The following PRKG1 variants were observed in gnomAD, a reference collection of about 807,000 sequenced individuals.
The protein encoded by PRKG1 is cGMP-dependent protein kinase 1.
Under a neutral mutation model 88.1 loss-of-function variants are expected in PRKG1, and 35 were observed. That is an observed-to-expected ratio of 0.40 (90% CI 0.30 to 0.53). PRKG1 has a LOEUF of 0.53. PRKG1 is among the 20% of genes least tolerant of loss of function. The pLI, the probability that PRKG1 is intolerant of heterozygous loss-of-function variation, is 0.59. For missense variants in PRKG1, 540 were observed against 839.8 expected (o/e 0.64, Z 4.41); for synonymous variants, 303 against 292.5 (o/e 1.04, Z -0.37).
At chr10:52,045,771 G>T (rs1845849298) in intron 5 of PRKG1, among the ~76,000 whole-genome samples, 1 of 151,978 alleles carries the variant, frequency 6.6e-6, no homozygotes, top group Non-Finnish European at 1.5e-5. Context: ...GGTTTTCTAG[G>T]TGCTCTGAGT....
chr10:52,289,112 A>G, intron 16 of PRKG1, 119 bp downstream of exon 16: 1 of 939,716 alleles, frequency 1.1e-6, no homozygotes, highest in South Asian at 1.8e-5. Context: ...AAGACAGCGT[A>G]TAAACTAGTA....
At chr10:51,558,008 T>G (rs2132142655) in intron 3 of PRKG1, among the ~76,000 whole-genome samples, 1 of 152,248 alleles carries the variant, frequency 6.6e-6, no homozygotes, top group South Asian at 2.1e-4. Context: ...AAAAATATTC[T>G]TTATCTTCTG....
chr10:52,213,094 C>A (rs1840023018), intron 9 of PRKG1, among the ~76,000 whole-genome samples: 1 of 151,702 alleles, frequency 6.6e-6, no homozygotes. Flanking sequence ...TAATTCGGCT[C>A]TGAATATAAG....
Position 51,744,758 on chromosome 10 carries a change from CA to C in PRKG1, c.593-59824del, listed in dbSNP as rs542962634. On this transcript the variant is annotated intron_variant, in intron 3 of 17. Coordinates refer to ENST00000373980, the MANE Select transcript of PRKG1 (RefSeq NM_006258.4). The stretch of plus-strand genomic sequence containing the variant: ...GTACAGTAAATGTTAGGAAAAATAC[CA>C]AATCACATTAATCATGGGTCTTCCA... 5.6e-3 allele frequency among the ~76,000 whole-genome samples: 854 copies of C among 152,150 alleles called. 11 individuals are homozygous for C. Among genetic ancestry groups the C allele is most frequent in the African/African-American group, 0.019 (802 of 41,494 alleles).
intron 3 of PRKG1, among the ~76,000 whole-genome samples, chr10:51,727,409 C>A (rs1223423782): frequency 6.6e-6 from 1 of 151,892 alleles, no homozygotes; most frequent in Non-Finnish European, 1.5e-5. Flanking sequence ...ACGGTTCAAA[C>A]CATCTTCTGA....
At chr10:51,565,163 C>A (rs1453624625) in intron 3 of PRKG1, among the ~76,000 whole-genome samples, 1 of 152,074 alleles carries the variant, frequency 6.6e-6, no homozygotes, top group Non-Finnish European at 1.5e-5. Context: ...TAGTCTACTG[C>A]TGCCCTCTCA....
At chr10:51,288,366 A>G (rs990112970) in intron 2 of PRKG1, among the ~76,000 whole-genome samples, 4 of 152,188 alleles carry the variant, frequency 2.6e-5, no homozygotes, top group Non-Finnish European at 5.9e-5. Flanking sequence ...TAGGTGCTGC[A>G]GTAAAATGTA....
At chr10:51,545,102 C>G (rs1459563262) in intron 3 of PRKG1, among the ~76,000 whole-genome samples, 1 of 151,750 alleles carries the variant, frequency 6.6e-6, no homozygotes, top group Non-Finnish European at 1.5e-5. Context: ...GCTATCTGCC[C>G]TTGTATGTCA....
At chr10:51,572,927 T>A (rs1210220428) in intron 3 of PRKG1, among the ~76,000 whole-genome samples, 1 of 151,738 alleles carries the variant, frequency 6.6e-6, no homozygotes, top group Non-Finnish European at 1.5e-5. Context: ...AGTGGGAAAA[T>A]CAAGGAAATA....
chr10:51,677,646 T>C (rs1840744382), intron 3 of PRKG1, among the ~76,000 whole-genome samples: 1 of 152,166 alleles, frequency 6.6e-6, no homozygotes, highest in African/African-American at 2.4e-5. Context: ...TGTCTGTAAT[T>C]CTCCCAGCTT....
intron 2 of PRKG1, among the ~76,000 whole-genome samples, chr10:51,240,348 C>T (rs2132123554): frequency 6.6e-6 from 1 of 152,224 alleles, no homozygotes; most frequent in Admixed American, 6.5e-5. Flanking sequence ...TTGTGAGATC[C>T]AGTCTTCTCA....
intron 2 of PRKG1, among the ~76,000 whole-genome samples, chr10:51,334,140 TTCTC>T (rs756494216): frequency 8.9e-6 from 1 of 112,356 alleles, no homozygotes; most frequent in Non-Finnish European, 1.9e-5. Context: ...CTTCCTTTCT[TTCTC>T]TCTCTCTTTC....
intron 3 of PRKG1, among the ~76,000 whole-genome samples, chr10:51,639,862 T>C (rs1343878355): frequency 6.6e-6 from 1 of 152,190 alleles, no homozygotes; most frequent in African/African-American, 2.4e-5. Context: ...TTTGAATCTT[T>C]GGAAGCATCT....
At chr10:51,943,430 T>C (rs1842953943) in intron 5 of PRKG1, among the ~76,000 whole-genome samples, 1 of 152,026 alleles carries the variant, frequency 6.6e-6, no homozygotes, top group South Asian at 2.1e-4. Flanking sequence ...CTTTTCCTAA[T>C]TGAATACCTT....
chr10:52,166,916 CAT>C (rs1554812360), intron 9 of PRKG1, among the ~76,000 whole-genome samples: 7 of 127,920 alleles, frequency 5.5e-5, no homozygotes, highest in Middle Eastern at 4.3e-3. Flanking sequence ...CACACACACA[CAT>C]ATATATAAGC....
intron 3 of PRKG1, among the ~76,000 whole-genome samples, chr10:51,787,823 A>G (rs1838766004): frequency 6.6e-6 from 1 of 152,178 alleles, no homozygotes; most frequent in Non-Finnish European, 1.5e-5. Flanking sequence ...ACTACTTATT[A>G]CAATCAACCT....
intron 3 of PRKG1, among the ~76,000 whole-genome samples, chr10:51,663,010 A>C (rs1840337319): frequency 6.6e-6 from 1 of 152,114 alleles, no homozygotes; most frequent in African/African-American, 2.4e-5. Flanking sequence ...GCAACTACCA[A>C]ATGTTTCGGA....
At chr10:51,391,573 C>T (rs989096940) in intron 2 of PRKG1, among the ~76,000 whole-genome samples, 4 of 152,186 alleles carry the variant, frequency 2.6e-5, no homozygotes, top group Admixed American at 2.0e-4. Context: ...TATCATTTTT[C>T]ATCTGGTGGT....
chr10:51,322,747 T>C (rs1841488341), intron 2 of PRKG1, among the ~76,000 whole-genome samples: 1 of 152,188 alleles, frequency 6.6e-6, no homozygotes, highest in Non-Finnish European at 1.5e-5. Context: ...GTCAATCAAA[T>C]TAGATACAGC....
Sources: gnomAD v4.1 joint callset for allele counts (sites outside exome capture counted in the v4.1 genomes callset) on GRCh38, gnomAD v4.1.1 for gene constraint, MANE v1.5 for transcripts, NCBI Gene and HGNC (gene_info 2026-07-23, HGNC 2026-07-21) for gene names.